Variants in EXD2 observed in about 807,000 individuals in gnomAD.
EXD2 encodes exonuclease 3'-5' domain containing 2.
A neutral mutation model predicts 62.5 loss-of-function variants in EXD2; 40 were observed. The observed-to-expected ratio is 0.64, with a 90% CI of 0.50 to 0.83. The LOEUF is 0.83. EXD2 is among the 40% of genes least tolerant of loss of function. EXD2 has a pLI of 0.00. For missense variants in EXD2, 671 were observed against 761.8 expected, an observed-to-expected ratio of 0.88 and a Z score of 1.40; for synonymous variants, 239 against 291.9, an observed-to-expected ratio of 0.82 and a Z score of 1.85.
chr14:69,230,666 T>A (rs2043543233), intron 5 of EXD2, 68 bp downstream of exon 5: 1 of 1,521,226 alleles, frequency 6.6e-7, no homozygotes, highest in Non-Finnish European at 8.8e-7. Context: ...TTTATAAAAT[T>A]CGAATTCTCA....
chr14:69,204,683 A>ACTGTTACCACAG (rs1353001321), intron 2 of EXD2, among the ~76,000 whole-genome samples: 138 of 152,266 alleles, frequency 9.1e-4, no homozygotes, highest in African/African-American at 3.1e-3. Flanking sequence ...CCACAGTTTA[A>ACTGTTACCACAG]TTTTTTTCTG....
chr14:69,221,927 A>C (rs2043198069), intron 3 of EXD2, among the ~76,000 whole-genome samples: 1 of 149,748 alleles, frequency 6.7e-6, no homozygotes, highest in African/African-American at 2.4e-5. Flanking sequence ...AAAAAAAAAA[A>C]AAAAAAAAAA....
rs564958656 is a variant in EXD2, at chr14:69,202,126, A to G, written c.-131-1791A>G. Among the ~76,000 whole-genome samples the G allele has an allele frequency of 1.4e-3, 213 of 152,222 alleles. 5 individuals carry two copies. In the South Asian group the frequency reaches 0.028, roughly 20 times the overall value. On this transcript the variant is annotated intron_variant, in intron 1 of 9. Transcript: ENST00000685843. ...GGCAACCTGGCGAAACCCCGTTTCT[A>G]CCAAAAATATAAAATATTAGCGGGT...
chr14:69,226,469 C>G (rs149798519), intron 3 of EXD2, among the ~76,000 whole-genome samples: 1 of 152,230 alleles, frequency 6.6e-6, no homozygotes, highest in African/African-American at 2.4e-5. Flanking sequence ...GCTAGAGGGC[C>G]GGGCATGGTA....
At chr14:69,218,691 T>G (rs2043067287) in intron 3 of EXD2, among the ~76,000 whole-genome samples, 1 of 152,184 alleles carries the variant, frequency 6.6e-6, no homozygotes, top group African/African-American at 2.4e-5. Context: ...TTGTATAAGG[T>G]GTAAGGAAGG....
intron 2 of EXD2, among the ~76,000 whole-genome samples, chr14:69,206,455 C>CTTTTTTTTTTTTTTTTTT (rs56333403): frequency 2.1e-5 from 2 of 94,644 alleles, no homozygotes; most frequent in African/African-American, 9.0e-5. Context: ...CACCCACCCA[C>CTTTTTTTTTTTTTTTTTT]TTTTTTTTTT....
At chr14:69,212,990 C>T (rs1338741033) in intron 3 of EXD2, among the ~76,000 whole-genome samples, 3 of 151,708 alleles carry the variant, frequency 2.0e-5, no homozygotes, top group African/African-American at 7.3e-5. Context: ...AGATTACAGG[C>T]GTGAGCAACC....
At chr14:69,215,847 G>A (rs539342371) in intron 3 of EXD2, among the ~76,000 whole-genome samples, 2 of 146,638 alleles carry the variant, frequency 1.4e-5, no homozygotes, top group African/African-American at 2.6e-5. Flanking sequence ...ATTTTCTATC[G>A]AGTTGTCTTT....
At chr14:69,214,145 A>G (rs1375961788) in intron 3 of EXD2, 4 of 152,182 alleles carry the variant, frequency 2.6e-5, no homozygotes, top group Admixed American at 6.5e-5. Flanking sequence ...GCTGTTGAAG[A>G]TAACTGTCAG....
intron 1 of EXD2, among the ~76,000 whole-genome samples, chr14:69,199,676 A>G (rs1027130856): frequency 1.3e-5 from 2 of 152,024 alleles, no homozygotes; most frequent in African/African-American, 4.8e-5. Context: ...TAGCTTAGAC[A>G]TACACAGAGT....
In EXD2 at chr14:69,243,268, TATAAA is replaced by T. The variant is rs1263568074; in HGVS notation, c.*2170_*2174del. ...TTATGGCAAATGTCTATTTTTCTGA[TATAAA>T]AGTAACAATGCTCATTACAGAAGAA... is the stretch of plus-strand genomic sequence containing the variant. On this transcript the variant is annotated 3_prime_UTR_variant, in exon 10 of 10. Coordinates refer to ENST00000685843, the MANE Select transcript of EXD2 (RefSeq NM_001193360.2). 7 of 152,236 alleles carry T rather than the reference TATAAA, an allele frequency of 4.6e-5. No individual in the cohort carries two copies. Among genetic ancestry groups the T allele is most frequent in the African/African-American group, 1.7e-4 (7 of 41,466 alleles). The allele number at this position is 152,236 out of a possible 1,614,324, so 9.4% of individuals were successfully genotyped here. A position where few individuals can be genotyped will look rare whatever the true frequency, so the allele number is the denominator to read the frequency against.
At chr14:69,228,009 T>C (rs371415065) in intron 3 of EXD2, 1 of 152,094 alleles carries the variant, frequency 6.6e-6, no homozygotes, top group East Asian at 1.9e-4. Flanking sequence ...TATTATATTA[T>C]CAGGTACCAC....
intron 1 of EXD2, among the ~76,000 whole-genome samples, chr14:69,195,297 G>T (rs1047784227): frequency 1.3e-5 from 2 of 151,370 alleles, no homozygotes; most frequent in African/African-American, 4.9e-5. Context: ...TCCTGGGCTC[G>T]AGTGATCCTC....
At chr14:69,205,505 C>G (rs1398351656) in intron 2 of EXD2, among the ~76,000 whole-genome samples, 1 of 151,930 alleles carries the variant, frequency 6.6e-6, no homozygotes, top group Non-Finnish European at 1.5e-5. Context: ...AAATATTTTT[C>G]ATATCTAGAA....
In EXD2 at chr14:69,239,277, G is replaced by A. The variant is rs151213385; in HGVS notation, c.1649+1346G>A. 5 of 152,298 alleles carry A rather than the reference G, an allele frequency of 3.3e-5. No homozygotes were observed. In the East Asian group the frequency reaches 5.8e-4, roughly 18 times the overall value. The allele number at this position is 152,298 out of a possible 1,614,324, so 9.4% of individuals were successfully genotyped here. On this transcript the variant is annotated intron_variant, in intron 9 of 9. Transcript: ENST00000685843. ...TGGTAAGAGCTCTGGGCTACCATGC[G>A]CAGTTCTGCCTCCCAACTGTCACTT...
Position 69,237,906 on chromosome 14 carries a change from C to A in EXD2, c.1624C>A (p.Gln542Lys). Reference protein sequence around the residue: ...NTDVVTEEMLQEAASLETRIS... With the variant: ...NTDVVTEEMLKEAASLETRIS... ...AGACGTGGTCACAGAGGAGATGCTTCAAGAGGCTGCCAGCCTGGAGACCAG... is the reference window on the plus strand; with the variant it reads ...AGACGTGGTCACAGAGGAGATGCTTAAAGAGGCTGCCAGCCTGGAGACCAG... Residue 542 changes from glutamine to lysine, a missense_variant, in exon 9 of 10, where the codon CAA becomes AAA. Transcript: ENST00000685843. 2 of 1,570,566 alleles carry A rather than the reference C, an allele frequency of 1.3e-6. No homozygotes were observed. The highest frequency in any genetic ancestry group is 1.7e-6 in the Non-Finnish European group (2 of 1,160,810).
chr14:69,204,455 C>T (rs999013536), intron 2 of EXD2, among the ~76,000 whole-genome samples: 3 of 152,058 alleles, frequency 2.0e-5, no homozygotes, highest in African/African-American at 7.2e-5. Flanking sequence ...CCTGTACCCC[C>T]AGCTACTCAG....
intron 2 of EXD2, chr14:69,208,798 C>T (rs1364823580): frequency 6.6e-6 from 1 of 152,086 alleles, no homozygotes; most frequent in African/African-American, 2.4e-5. Flanking sequence ...CTTTTGTACC[C>T]CCGCTGGCTT....
In EXD2 at chr14:69,230,483, TCTGTAATGGGCTTAGC is replaced by T. The variant is rs755868745; in HGVS notation, c.606_621del (p.Cys202Ter). ...TTTGTTTCTTTTAGAAACAATTTGCTCTGTAATGGGCTTAGCCTGAAGTCCCTCGCTGAGACTGTTT... is the reference window on the plus strand; with the variant it reads ...TTTGTTTCTTTTAGAAACAATTTGCTCTGAAGTCCCTCGCTGAGACTGTTT... On this transcript the variant is annotated frameshift_variant, in exon 5 of 10. Transcript: ENST00000685843. LOFTEE classifies it high-confidence loss of function. 9 of 1,599,646 alleles carry T rather than the reference TCTGTAATGGGCTTAGC, an allele frequency of 5.6e-6. No homozygotes were observed. The highest frequency in any genetic ancestry group is 7.7e-6 in the Non-Finnish European group (9 of 1,172,998).
Sources: allele counts gnomAD v4.1 joint callset (sites outside exome capture counted in the v4.1 genomes callset), GRCh38; gene constraint gnomAD v4.1.1; transcripts MANE v1.5; gene names NCBI Gene and HGNC (gene_info 2026-07-23, HGNC 2026-07-21).